The following DNAAF4 variants were observed in gnomAD, a reference collection of about 807,000 sequenced individuals.
The protein encoded by DNAAF4 is dynein assembly factor 4, axonemal.
DNAAF4 carries 43 observed loss-of-function variants against 51.8 expected under a neutral mutation model. That is an observed-to-expected ratio of 0.83 (90% CI 0.65 to 1.07). DNAAF4 has a LOEUF of 1.07. DNAAF4 is among the 50% of genes least tolerant of loss of function. DNAAF4 has a pLI of 0.00. For missense variants in DNAAF4, 581 were observed against 493.0 expected (o/e 1.18, Z -1.69); for synonymous variants, 194 against 165.6 (o/e 1.17, Z -1.32).
At chr15:55,505,787 G>C (rs890861436) in intron 1 of DNAAF4, among the ~76,000 whole-genome samples, 4 of 152,164 alleles carry the variant, frequency 2.6e-5, no homozygotes, top group Non-Finnish European at 5.9e-5. Flanking sequence ...GGCTGGGGGA[G>C]GGATAGCGTT....
chr15:55,420,217 A>G (rs2057376936), intron 7 of DNAAF4, among the ~76,000 whole-genome samples: 1 of 152,166 alleles, frequency 6.6e-6, no homozygotes, highest in Admixed American at 6.5e-5. Context: ...CTATATGGAT[A>G]AAAGTACAAA....
At chr15:55,421,131 A>C (rs898581549) in intron 7 of DNAAF4, among the ~76,000 whole-genome samples, 2 of 149,050 alleles carry the variant, frequency 1.3e-5, no homozygotes, top group Non-Finnish European at 3.0e-5. Flanking sequence ...CAGAGGTTGC[A>C]GTGAGCCAAG....
At chr15:55,443,380 G>C (rs1037603623) in intron 6 of DNAAF4, 5 of 664,244 alleles carry the variant, frequency 7.5e-6, no homozygotes, top group Non-Finnish European at 1.3e-5. Flanking sequence ...TGCAGGCCGT[G>C]GGGCCGCACT....
At chr15:55,432,628 A>T in intron 8 of DNAAF4, 26 bp from the exon 9 acceptor site, 1 of 1,570,140 alleles carries the variant, frequency 6.4e-7, no homozygotes, top group Non-Finnish European at 8.7e-7. Flanking sequence ...TAATTATTAC[A>T]AGAAAGTTAT....
At chr15:55,425,810 T>A (rs78059247), downstream of DNAAF4, among the ~76,000 whole-genome samples, 3,862 of 152,220 alleles carry the variant, frequency 0.025, 180 homozygotes, top group African/African-American at 0.09. Flanking sequence ...CTGGGATGTG[T>A]TAAATAAAAT....
At chr15:55,497,577 G>A (rs1169458874) in intron 3 of DNAAF4, 135 bp downstream of exon 3, 3 of 1,004,326 alleles carry the variant, frequency 3.0e-6, no homozygotes, top group Admixed American at 2.8e-5. Flanking sequence ...TCCAGCCTGG[G>A]CGACAGAGCA....
intron 4 of DNAAF4, among the ~76,000 whole-genome samples, chr15:55,474,659 T>C (rs949970742): frequency 1.7e-4 from 26 of 151,980 alleles, no homozygotes; most frequent in African/African-American, 5.8e-4. Context: ...CAGAAAAACA[T>C]AAATGAATAA....
intron 4 of DNAAF4, among the ~76,000 whole-genome samples, chr15:55,472,105 G>A: frequency 6.6e-6 from 1 of 152,140 alleles, no homozygotes; most frequent in East Asian, 1.9e-4. Context: ...CTCCCAAAGT[G>A]CAGGGATTAC....
At chr15:55,428,484 C>CTTTTTTTTTTTTTTTTTTTTTTTT (rs747325376), downstream of DNAAF4, among the ~76,000 whole-genome samples, 3 of 85,012 alleles carry the variant, frequency 3.5e-5, no homozygotes, top group Non-Finnish European at 7.0e-5. Context: ...TCTTTTTTTT[C>CTTTTTTTTTTTTTTTTTTTTTTTT]TTTTTTTTTT....
chr15:55,451,633 G>C (rs1182298970), intron 5 of DNAAF4, among the ~76,000 whole-genome samples: 1 of 102,474 alleles, frequency 9.8e-6, no homozygotes, highest in South Asian at 3.2e-4. Context: ...TTTTTTTTTT[G>C]AGACAGGGTT....
rs1219991809 is a variant in DNAAF4, at chr15:55,430,432, T to TAC, written c.*236_*237dup. On this transcript the variant is annotated 3_prime_UTR_variant, in exon 10 of 10. Coordinates refer to ENST00000321149, the MANE Select transcript of DNAAF4 (RefSeq NM_130810.4). ...CTTAATTCAGTAACACAAAAAAGTATACATATGTATTAATATGAAGAAATA... is the reference window on the plus strand; with the variant it reads ...CTTAATTCAGTAACACAAAAAAGTATACACATATGTATTAATATGAAGAAATA... 25 of 1,007,626 alleles carry TAC rather than the reference T, an allele frequency of 2.5e-5. No individual in the cohort carries two copies. Among genetic ancestry groups the TAC allele is most frequent in the Non-Finnish European group, 2.9e-5 (24 of 831,028 alleles). The allele number at this position is 1,007,626 out of a possible 1,614,324, so 62.4% of individuals were successfully genotyped here.
chr15:55,424,216 TTTTCC>T (rs1317661549), intron 7 of DNAAF4, among the ~76,000 whole-genome samples: 1 of 152,206 alleles, frequency 6.6e-6, no homozygotes, highest in Non-Finnish European at 1.5e-5. Context: ...TTCAGCCCCC[TTTTCC>T]TTTCCTTTCT....
chr15:55,482,417 A>T (rs1440032919), intron 4 of DNAAF4, among the ~76,000 whole-genome samples: 2 of 152,104 alleles, frequency 1.3e-5, no homozygotes, highest in African/African-American at 4.8e-5. Flanking sequence ...TGGCTCATGC[A>T]TGCAATCTCA....
At chr15:55,430,287 G>C (rs1010451340), downstream of DNAAF4, 7 of 666,170 alleles carry the variant, frequency 1.1e-5, no homozygotes, top group Non-Finnish European at 1.3e-5. Context: ...CAATTAAATG[G>C]TATATTAATA....
chr15:55,507,743 G>A (rs2058734132), intron 1 of DNAAF4, among the ~76,000 whole-genome samples: 1 of 152,138 alleles, frequency 6.6e-6, no homozygotes, highest in Admixed American at 6.6e-5. Flanking sequence ...TGTAATCTCA[G>A]CACTTTGGGA....
chr15:55,453,212 A>T (rs2057963238), intron 5 of DNAAF4, among the ~76,000 whole-genome samples: 1 of 152,210 alleles, frequency 6.6e-6, no homozygotes, highest in African/African-American at 2.4e-5. Context: ...CTCTTGTAAG[A>T]AATGGAAGCT....
At chr15:55,426,073 A>G (rs2057428335), downstream of DNAAF4, among the ~76,000 whole-genome samples, 1 of 150,412 alleles carries the variant, frequency 6.6e-6, no homozygotes, top group Non-Finnish European at 1.5e-5. Flanking sequence ...GTGAGCCAGG[A>G]GTGCTGATTG....
At chr15:55,454,002 G>A (rs569715305) in intron 5 of DNAAF4, among the ~76,000 whole-genome samples, 1 of 152,100 alleles carries the variant, frequency 6.6e-6, no homozygotes, top group Non-Finnish European at 1.5e-5. Flanking sequence ...GGAAGATAAA[G>A]AGAATACAAG....
At chr15:55,484,266 G>A (rs529705388) in intron 4 of DNAAF4, among the ~76,000 whole-genome samples, 2 of 152,076 alleles carry the variant, frequency 1.3e-5, no homozygotes, top group South Asian at 2.1e-4. Flanking sequence ...GGTGAATCAC[G>A]AGGTCAGGAG....
Sources: gnomAD v4.1 joint callset for allele counts (sites outside exome capture counted in the v4.1 genomes callset) on GRCh38, gnomAD v4.1.1 for gene constraint, MANE v1.5 for transcripts, NCBI Gene and HGNC (gene_info 2026-07-23, HGNC 2026-07-21) for gene names.